The following YIPF6 variants were observed in gnomAD, a reference collection of about 807,000 sequenced individuals.
The protein encoded by YIPF6 is Yip1 domain family member 6, also known as protein YIPF6.
YIPF6 carries 3 observed loss-of-function variants against 16.8 expected under a neutral mutation model. That is an observed-to-expected ratio of 0.18 (90% CI 0.08 to 0.46). The LOEUF (loss-of-function observed/expected upper bound fraction) is 0.46, where lower values mean the gene tolerates loss of function less well. YIPF6 is among the 20% of genes least tolerant of loss of function. YIPF6 has a pLI of 0.98. For missense variants in YIPF6, 145 were observed against 184.9 expected (o/e 0.78, Z 1.25); for synonymous variants, 67 against 61.9 (o/e 1.08, Z -0.38).
rs1191129468 is a variant in YIPF6 at position 68,510,551 on chromosome X, G to GTTTTA, written c.58-1276_58-1272dup. 43 of 105,173 alleles carry GTTTTA rather than the reference G, an allele frequency of 4.1e-4. 1 individual carries two copies. The highest frequency in any genetic ancestry group is 1.9e-3 in the Admixed American group (19 of 9,878). 8.7% of individuals were successfully genotyped at this position (105,173 alleles called of 1,213,427 possible). On this transcript the variant is annotated intron_variant, in intron 1 of 6. Transcript: ENST00000462683. Reference sequence around the variant, plus strand: ...TGAGTGTGGTTAAGAAATTGTTTTTGTTTTATTTTATTTTATTTTATTTTA... The same window carrying GTTTTA: ...TGAGTGTGGTTAAGAAATTGTTTTTGTTTTATTTTATTTTATTTTATTTTATTTTA...
At chrX:68,527,023 T>C (rs1602469274) in intron 6 of YIPF6, among the ~76,000 whole-genome samples, 1 of 112,196 alleles carries the variant, frequency 8.9e-6, no homozygotes, top group Non-Finnish European at 1.9e-5. Flanking sequence ...CTTCTTCTAT[T>C]GTTTGGAATA....
chrX:68,533,842 T>G lies in YIPF6; in HGVS notation c.*1843T>G, dbSNP rs2079181003. The G allele has an allele frequency of 8.9e-6, 1 of 112,461 alleles. No individual in the cohort carries two copies. The highest frequency in any genetic ancestry group is 3.7e-4 in the South Asian group (1 of 2,737). 9.3% of individuals were successfully genotyped at this position (112,461 alleles called of 1,213,427 possible). On this transcript the variant is annotated 3_prime_UTR_variant, in exon 7 of 7. Coordinates refer to ENST00000462683, the MANE Select transcript of YIPF6 (RefSeq NM_173834.4). The stretch of plus-strand genomic sequence containing the variant: ...TGTCTGAAATTCTCTTACTTCCTGC[T>G]AAAACTCTCTTTCTGCCAAAGTTGT...
At chrX:68,523,590 A>G (rs955982729) in intron 6 of YIPF6, among the ~76,000 whole-genome samples, 1 of 112,338 alleles carries the variant, frequency 8.9e-6, no homozygotes, top group Non-Finnish European at 1.9e-5. Context: ...GGCCTATAGC[A>G]ATGATAATGA....
rs1310139176 is a variant in YIPF6, at chrX:68,534,360, C to T, written c.*2361C>T. ...ACTGAAAATGTCAAATCCTAGAAAA[C>T]GTAGCATGCCTATACATGATGTTAA... On this transcript the variant is annotated 3_prime_UTR_variant, in exon 7 of 7. Coordinates refer to ENST00000462683, the MANE Select transcript of YIPF6 (RefSeq NM_173834.4). The T allele has an allele frequency of 6.3e-5, 7 of 110,615 alleles. No homozygotes were observed. The highest frequency in any genetic ancestry group is 9.9e-5 in the African/African-American group (3 of 30,342). 9.1% of individuals were successfully genotyped at this position (110,615 alleles called of 1,213,427 possible). A position where few individuals can be genotyped will look rare whatever the true frequency, so the allele number is the denominator to read the frequency against.
rs1195683415 is a variant in YIPF6 at position 68,513,371 on chromosome X, G to C, written c.231G>C (p.Leu77Phe). Residue 77 changes from leucine to phenylalanine, a missense_variant, in exon 3 of 7, where the codon TTG becomes TTC. By Grantham distance (22) the Leu-to-Phe change is conservative (BLOSUM62 0). Transcript: ENST00000462683. ...TTGGGAAAAAATTCATGCATGTTTT[G>C]TACCCAAGGAAAAGTAATACTCTTT... ...KAVGKKFMHV[L>F]YPRKSNTLLR... 8.3e-7 allele frequency: 1 copy of C among 1,203,444 alleles called. No individual in the cohort carries two copies. Among genetic ancestry groups the C allele is most frequent in the Non-Finnish European group, 1.1e-6 (1 of 892,689 alleles).
intron 1 of YIPF6, among the ~76,000 whole-genome samples, chrX:68,503,487 C>G (rs1000824131): frequency 8.9e-6 from 1 of 111,905 alleles, no homozygotes; most frequent in African/African-American, 3.3e-5. Flanking sequence ...AGCTGAGGTC[C>G]TGGAAGTCCT....
Position 68,518,766 on chromosome X carries a change from G to A in YIPF6, c.266-4G>A, listed in dbSNP as rs201094635. ...CTTCGCTTCTGTCTTTTCTTGTCTT[G>A]TAGGGGATTTGTGGGGCCCTTTGAT... On this transcript the variant is annotated splice_polypyrimidine_tract_variant and splice_region_variant and intron_variant, in intron 3 of 6. Transcript: ENST00000462683. 7.7e-6 allele frequency: 9 copies of A among 1,173,552 alleles called. No homozygotes were observed. In the East Asian group the frequency reaches 2.6e-4, roughly 34 times the overall value.
Position 68,521,408 on chromosome X carries a change from T to C in YIPF6, c.345T>C (p.Asp115=). Residue 115 remains aspartate, a synonymous_variant, in exon 5 of 7, where the codon GAT becomes GAC. Transcript: ENST00000462683. ...LQRDSADSEK[D]GGPQFAEVFV... is the part of the protein sequence containing the mutation. ...GAGACTCTGCAGATAGTGAAAAAGA[T>C]GGAGGGCCCCAATTTGCAGAGGTGT... 8.3e-7 allele frequency: 1 copy of C among 1,211,299 alleles called. No individual in the cohort carries two copies.
At chrX:68,503,741 T>G (rs1300776620) in intron 1 of YIPF6, among the ~76,000 whole-genome samples, 4 of 112,346 alleles carry the variant, frequency 3.6e-5, no homozygotes, top group African/African-American at 9.7e-5. Flanking sequence ...CCATCCTCAC[T>G]TCAGAGCAAG....
rs1434821694 is a variant in YIPF6 at position 68,536,867 on chromosome X, G to A, written c.*4868G>A. On this transcript the variant is annotated 3_prime_UTR_variant, in exon 7 of 7. Transcript: ENST00000462683. Reference sequence around the variant, plus strand: ...CTCTTTCTTTTTAATTCTCCCAGAGGGATGGTTAATGCATCACAATTTAAC... The same window carrying A: ...CTCTTTCTTTTTAATTCTCCCAGAGAGATGGTTAATGCATCACAATTTAAC... 8.9e-6 allele frequency: 1 copy of A among 111,956 alleles called. No homozygotes were observed. Among genetic ancestry groups the A allele is most frequent in the Non-Finnish European group, 1.9e-5 (1 of 53,244 alleles). The allele number at this position is 111,956 out of a possible 1,213,427, so 9.2% of individuals were successfully genotyped here. A position where few individuals can be genotyped will look rare whatever the true frequency, so the allele number is the denominator to read the frequency against.
At chrX:68,521,148 A>G (rs1039970273) in intron 4 of YIPF6, among the ~76,000 whole-genome samples, 1 of 111,677 alleles carries the variant, frequency 9.0e-6, no homozygotes, top group Non-Finnish European at 1.9e-5. Context: ...ACATTTCAAC[A>G]AGGTCAAATG....
chrX:68,520,072 A>G (rs1440066496), intron 4 of YIPF6, among the ~76,000 whole-genome samples: 1 of 112,056 alleles, frequency 8.9e-6, no homozygotes, highest in African/African-American at 3.2e-5. Flanking sequence ...CCATCATACC[A>G]TGCTGAAGCA....
Position 68,513,421 on chromosome X carries a change from T to C in YIPF6, c.265+16T>C. 8.8e-7 allele frequency: 1 copy of C among 1,137,390 alleles called. No homozygotes were observed. The highest frequency in any genetic ancestry group is 3.1e-5 in the East Asian group (1 of 32,711). 93.7% of individuals were successfully genotyped at this position (1,137,390 alleles called of 1,213,427 possible). A position where few individuals can be genotyped will look rare whatever the true frequency, so the allele number is the denominator to read the frequency against. On this transcript the variant is annotated intron_variant, in intron 3 of 6. Transcript: ENST00000462683. ...TTGAGAGATTGTAAGTATATGAGGT[T>C]TTTAAGGGTTTGCTTAATCTATCTC...
intron 3 of YIPF6, among the ~76,000 whole-genome samples, chrX:68,517,726 G>T (rs966202418): frequency 1.8e-5 from 2 of 110,402 alleles, no homozygotes; most frequent in African/African-American, 3.3e-5. Context: ...CCAGCACTTT[G>T]CGAGGCTGAG....
intron 6 of YIPF6, among the ~76,000 whole-genome samples, chrX:68,528,922 A>G (rs1291015464): frequency 9.0e-6 from 1 of 110,745 alleles, no homozygotes; most frequent in African/African-American, 3.3e-5. Flanking sequence ...TTTTTCCTTC[A>G]TTTCAGATTG....
intron 5 of YIPF6, among the ~76,000 whole-genome samples, chrX:68,522,501 A>G (rs771179568): frequency 6.4e-5 from 7 of 109,911 alleles, no homozygotes; most frequent in African/African-American, 2.0e-4. Context: ...GGGTTTCACC[A>G]TGTTGGCCAG....
chrX:68,518,707 A>G (rs889711646), intron 3 of YIPF6, 63 bp from the exon 4 acceptor site: 2 of 1,127,998 alleles, frequency 1.8e-6, no homozygotes, highest in Admixed American at 2.8e-5. Flanking sequence ...GGAGGGAGAG[A>G]GGTAGATATT....
intron 1 of YIPF6, among the ~76,000 whole-genome samples, chrX:68,506,700 T>TA (rs1456295367): frequency 7.3e-5 from 8 of 109,059 alleles, no homozygotes; most frequent in East Asian, 2.9e-4. Context: ...ACCTTGTCTC[T>TA]AAAAAAAAAC....
At chrX:68,513,433 G>A (rs1245436827) in intron 3 of YIPF6, 28 bp downstream of exon 3, 34 of 1,087,924 alleles carry the variant, frequency 3.1e-5, no homozygotes, top group Non-Finnish European at 4.2e-5. Context: ...TTAAGGGTTT[G>A]CTTAATCTAT....
Sources: allele counts gnomAD v4.1 joint callset (sites outside exome capture counted in the v4.1 genomes callset), GRCh38; gene constraint gnomAD v4.1.1; transcripts MANE v1.5; gene names NCBI Gene and HGNC (gene_info 2026-07-23, HGNC 2026-07-21).